Variants in ATXN2 observed in about 807,000 individuals in gnomAD.
ATXN2 encodes ataxin 2.
ATXN2 carries 37 observed loss-of-function variants against 138.6 expected under a neutral mutation model. The ratio of observed to expected loss-of-function variants is 0.27; its 90% CI spans 0.21 to 0.35. The LOEUF is 0.35. ATXN2 is among the 10% of genes least tolerant of loss of function. The pLI is 1.00. For missense variants in ATXN2, 1,216 were observed against 1,480.3 expected (o/e 0.82, Z 2.93); for synonymous variants, 549 against 543.7 (o/e 1.01, Z -0.13).
At chr12:111,519,610 TC>T (rs531904530) in intron 8 of ATXN2, among the ~76,000 whole-genome samples, 187 of 152,198 alleles carry the variant, frequency 1.2e-3, no homozygotes, top group African/African-American at 4.4e-3. Context: ...GTTACACGTG[TC>T]CCCCACCAGA....
intron 20 of ATXN2, 108 bp downstream of exon 20, chr12:111,470,000 C>A (rs1223286820): frequency 1.6e-6 from 2 of 1,282,520 alleles, no homozygotes; most frequent in African/African-American, 1.5e-5. Flanking sequence ...AGATTCTTGA[C>A]CCTCAATGTC....
At chr12:111,570,373 T>C (rs1883251801) in intron 1 of ATXN2, among the ~76,000 whole-genome samples, 1 of 152,238 alleles carries the variant, frequency 6.6e-6, no homozygotes, top group Admixed American at 6.5e-5. Context: ...GACAGGTACA[T>C]AAGATTCATC....
At chr12:111,472,343 C>T (rs964829410) in intron 18 of ATXN2, among the ~76,000 whole-genome samples, 2 of 152,034 alleles carry the variant, frequency 1.3e-5, no homozygotes, top group Admixed American at 6.6e-5. Flanking sequence ...TTGAAAAATG[C>T]TAAAAATATT....
At chr12:111,597,719 G>A (rs1049585170) in intron 1 of ATXN2, 2 of 611,610 alleles carry the variant, frequency 3.3e-6, no homozygotes, top group Non-Finnish European at 5.4e-6. Context: ...CCCCGGCTTA[G>A]GAGGGAAAAA....
chr12:111,525,914 C>G (rs1880467534), intron 5 of ATXN2, among the ~76,000 whole-genome samples: 1 of 151,934 alleles, frequency 6.6e-6, no homozygotes, highest in African/African-American at 2.4e-5. Flanking sequence ...GATCTCCTGA[C>G]CTAGTGATAC....
At chr12:111,527,295 G>A (rs1880555515) in intron 5 of ATXN2, among the ~76,000 whole-genome samples, 2 of 152,186 alleles carry the variant, frequency 1.3e-5, no homozygotes, top group Non-Finnish European at 2.9e-5. Context: ...CCCAGCCACT[G>A]TTCCTTCCCA....
intron 1 of ATXN2, among the ~76,000 whole-genome samples, chr12:111,597,247 G>C (rs983290076): frequency 3.9e-5 from 6 of 152,192 alleles, no homozygotes; most frequent in African/African-American, 1.4e-4. Context: ...GATTCCTCTT[G>C]ATGGGGAATT....
Position 111,510,485 on chromosome 12 carries a change from A to G in ATXN2, c.1656T>C (p.Ala552=), listed in dbSNP as rs542966765. Residue 552 remains alanine (A), a synonymous_variant, in exon 12 of 25, where the codon GCT becomes GCC. Coordinates refer to ENST00000673436, the MANE Select transcript of ATXN2 (RefSeq NM_001372574.1). ...PSGPVLASPQ[A]GIIPTEAVAM... is the part of the protein sequence containing the mutation. ...CAACAGCTTCAGTTGGAATAATACC[A>G]GCTTGGGGAGAAGCAAGAACTGGCC... is the stretch of plus-strand genomic sequence containing the variant. The G allele has an allele frequency of 1.2e-6, 2 of 1,614,172 alleles. No individual in the cohort carries two copies. The highest frequency in any genetic ancestry group is 2.7e-5 in the African/African-American group (2 of 75,048).
At chr12:111,540,837 G>C (rs772447077) in intron 5 of ATXN2, among the ~76,000 whole-genome samples, 8 of 149,014 alleles carry the variant, frequency 5.4e-5, no homozygotes, top group Non-Finnish European at 1.2e-4. Context: ...TGGGATTACA[G>C]GCATGTGCTA....
At position 111,488,601 on chromosome 12, in the gene ATXN2, G is replaced by A; in HGVS notation, c.2115C>T (p.Ser705=). The change falls in exon 15 of 25, where the codon TCC becomes TCT. Residue 705 remains serine, a synonymous_variant. Transcript: ENST00000673436. ...GCTCCGTGTTACTAAGTATTGAAGGGGAAATGCTGGGGCTATTCGGCTTGC... is the reference window on the plus strand; with the variant it reads ...GCTCCGTGTTACTAAGTATTGAAGGAGAAATGCTGGGGCTATTCGGCTTGC... ...GSSKPNSPSI[S]PSILSNTEHK... 6.2e-7 allele frequency: 1 copy of A among 1,614,132 alleles called. No homozygotes were observed. Among genetic ancestry groups the A allele is most frequent in the Non-Finnish European group, 8.5e-7 (1 of 1,180,028 alleles).
At chr12:111,476,976 G>C (rs1164160983) in intron 18 of ATXN2, among the ~76,000 whole-genome samples, 4 of 152,022 alleles carry the variant, frequency 2.6e-5, no homozygotes, top group Non-Finnish European at 5.9e-5. Context: ...TTGGCATAAG[G>C]ATATATACAA....
chr12:111,553,799 C>A (rs1220777214), intron 3 of ATXN2, among the ~76,000 whole-genome samples: 1 of 151,646 alleles, frequency 6.6e-6, no homozygotes. Flanking sequence ...CGGAGTTCTG[C>A]CATGTTGCCC....
At chr12:111,596,524 T>C (rs1210097865) in intron 1 of ATXN2, among the ~76,000 whole-genome samples, 1 of 152,198 alleles carries the variant, frequency 6.6e-6, no homozygotes, top group African/African-American at 2.4e-5. Flanking sequence ...ATTTTCACTG[T>C]TGATACGCAC....
chr12:111,597,976 C>A (rs1885020623), intron 1 of ATXN2: 1 of 1,218,592 alleles, frequency 8.2e-7, no homozygotes, highest in Non-Finnish European at 1.1e-6. Context: ...TCGGCCACCA[C>A]CCGCGCGCCG....
chr12:111,561,778 A>C (rs1284254736), intron 1 of ATXN2, among the ~76,000 whole-genome samples: 1 of 151,876 alleles, frequency 6.6e-6, no homozygotes, highest in Non-Finnish European at 1.5e-5. Flanking sequence ...AGTTCATGCC[A>C]CTGCAATGCA....
intron 7 of ATXN2, 32 bp from the exon 8 acceptor site, chr12:111,520,108 G>A: frequency 6.2e-7 from 1 of 1,601,904 alleles, no homozygotes; most frequent in Non-Finnish European, 8.5e-7. Context: ...AGCAAAATGA[G>A]TCCTTTAAAG....
At chr12:111,546,906 A>T (rs1164965101) in intron 5 of ATXN2, among the ~76,000 whole-genome samples, 1 of 152,232 alleles carries the variant, frequency 6.6e-6, no homozygotes, top group African/African-American at 2.4e-5. Context: ...AAGGTGACTC[A>T]CAGCTCATAT....
At chr12:111,570,231 G>A (rs924632667) in intron 1 of ATXN2, among the ~76,000 whole-genome samples, 6 of 152,030 alleles carry the variant, frequency 3.9e-5, no homozygotes, top group Middle Eastern at 3.4e-3. Flanking sequence ...CGATCTACCC[G>A]TTGCTCATAA....
chr12:111,575,019 G>A lies in ATXN2; in HGVS notation c.252-19100C>T, dbSNP rs375914740. 2.1e-3 allele frequency among the ~76,000 whole-genome samples: 327 copies of A among 152,276 alleles called. 3 individuals are homozygous for A. The South Asian group carries it at 0.023, about 11-fold the overall frequency. The stretch of plus-strand genomic sequence containing the variant: ...ACAGGGCTATGTGGTAATCACATGA[G>A]ATTATGTATGCCCTGGGAGAATAAA... On this transcript the variant is annotated intron_variant, in intron 1 of 24. Coordinates refer to ENST00000673436, the MANE Select transcript of ATXN2 (RefSeq NM_001372574.1).
Sources: allele counts gnomAD v4.1 joint callset (sites outside exome capture counted in the v4.1 genomes callset), GRCh38; gene constraint gnomAD v4.1.1; transcripts MANE v1.5; gene names NCBI Gene and HGNC (gene_info 2026-07-23, HGNC 2026-07-21).